NAALADL2: variants seen among roughly 807,000 people sequenced by gnomAD.
The protein encoded by NAALADL2 is N-acetylated alpha-linked acidic dipeptidase like 2, also known as inactive N-acetylated-alpha-linked acidic dipeptidase-like protein 2.
In NAALADL2, 76 loss-of-function variants were observed where a neutral mutation model predicts 87.2. The observed-to-expected ratio is 0.87, with a 90% CI of 0.72 to 1.05. The LOEUF (loss-of-function observed/expected upper bound fraction) is 1.05. NAALADL2 is among the 50% of genes least tolerant of loss of function. The pLI, the probability that NAALADL2 is intolerant of heterozygous loss-of-function variation, is 0.00. For synonymous variants in NAALADL2, 354 were observed against 331.0 expected (o/e 1.07, Z -0.75); for missense variants, 1,089 against 945.8 (o/e 1.15, Z -1.99).
At chr3:175,649,995 C>T (rs1326093168) in intron 11 of NAALADL2, among the ~76,000 whole-genome samples, 3 of 148,952 alleles carry the variant, frequency 2.0e-5, no homozygotes, top group African/African-American at 7.4e-5. Context: ...CCAACAATTC[C>T]ACTCCTAGGA....
intron 13 of NAALADL2, among the ~76,000 whole-genome samples, chr3:175,775,767 A>G (rs1187493172): frequency 6.6e-6 from 1 of 152,162 alleles, no homozygotes; most frequent in Non-Finnish European, 1.5e-5. Context: ...AGATACCACA[A>G]GAGTCAACGG....
chr3:175,442,407 G>A (rs1719943515), intron 5 of NAALADL2, among the ~76,000 whole-genome samples: 1 of 152,046 alleles, frequency 6.6e-6, no homozygotes, highest in African/African-American at 2.4e-5. Flanking sequence ...ATAGAATTAA[G>A]GATGTACAAT....
At chr3:174,465,996 CAGT>C (rs1251055411) in intron 1 of NAALADL2, among the ~76,000 whole-genome samples, 1 of 152,148 alleles carries the variant, frequency 6.6e-6, no homozygotes, top group Non-Finnish European at 1.5e-5. Flanking sequence ...CTCCTTCACA[CAGT>C]GGTGGTAGAG....
chr3:175,190,502 C>G (rs920488716), intron 2 of NAALADL2, among the ~76,000 whole-genome samples: 2 of 152,116 alleles, frequency 1.3e-5, no homozygotes, highest in Non-Finnish European at 2.9e-5. Context: ...TATATCAACT[C>G]ACACCTGTTA....
chr3:175,286,532 A>T (rs2110112353), intron 4 of NAALADL2, among the ~76,000 whole-genome samples: 1 of 152,300 alleles, frequency 6.6e-6, no homozygotes, highest in Middle Eastern at 3.4e-3. Context: ...AATGCTTTCC[A>T]ACAACGTTTA....
chr3:175,633,237 G>T (rs1406372067), intron 11 of NAALADL2, among the ~76,000 whole-genome samples: 1 of 152,058 alleles, frequency 6.6e-6, no homozygotes, highest in African/African-American at 2.4e-5. Context: ...CCAATCCTCA[G>T]ATCTTTGCTA....
chr3:175,111,035 G>T (rs760265296), intron 2 of NAALADL2, among the ~76,000 whole-genome samples: 14 of 151,598 alleles, frequency 9.2e-5, no homozygotes, highest in Non-Finnish European at 1.3e-4. Flanking sequence ...AAGAAGGGAA[G>T]AAAAAAGGCT....
chr3:175,671,798 A>G (rs1734041784), intron 11 of NAALADL2, among the ~76,000 whole-genome samples: 2 of 152,194 alleles, frequency 1.3e-5, no homozygotes, highest in South Asian at 4.1e-4. Flanking sequence ...ATTCTCATCC[A>G]TAATGGAAAT....
chr3:175,793,434 C>T (rs1207747270), intron 13 of NAALADL2, among the ~76,000 whole-genome samples: 9 of 151,728 alleles, frequency 5.9e-5, no homozygotes, highest in Admixed American at 3.3e-4. Flanking sequence ...CTCACCCTCC[C>T]GAGTAGCTGG....
chr3:175,493,839 T>C (rs911128166), intron 9 of NAALADL2, among the ~76,000 whole-genome samples: 5 of 152,168 alleles, frequency 3.3e-5, no homozygotes, highest in East Asian at 3.8e-4. Context: ...ATAATAGACA[T>C]ACACATACAC....
intron 1 of NAALADL2, among the ~76,000 whole-genome samples, chr3:174,945,459 G>A (rs747264909): frequency 1.3e-5 from 2 of 151,984 alleles, no homozygotes; most frequent in Non-Finnish European, 2.9e-5. Flanking sequence ...TGAATCCCTG[G>A]GGCAAAAATT....
At chr3:174,713,266 G>A (rs146602171) in intron 2 of NAALADL2, among the ~76,000 whole-genome samples, 2,091 of 152,218 alleles carry the variant, frequency 0.014, 57 homozygotes, top group African/African-American at 0.049. Context: ...ATAAACATAC[G>A]TGTGCATGTG....
At chr3:175,155,554 T>C (rs115118046) in intron 2 of NAALADL2, among the ~76,000 whole-genome samples, 322 of 152,254 alleles carry the variant, frequency 2.1e-3, no homozygotes, top group Middle Eastern at 0.01. Context: ...TTTAAGTGGA[T>C]AGTGAGGTTT....
At chr3:175,767,426 A>G (rs1273694206) in intron 13 of NAALADL2, 1 of 152,098 alleles carries the variant, frequency 6.6e-6, no homozygotes, top group East Asian at 1.9e-4. Context: ...ATTTCCTCCC[A>G]GTCTACCTTT....
chr3:175,549,364 C>T (rs143286730), intron 9 of NAALADL2, among the ~76,000 whole-genome samples: 60 of 152,080 alleles, frequency 3.9e-4, no homozygotes, highest in Admixed American at 1.1e-3. Flanking sequence ...CAGTTGTGCA[C>T]TCTCTGAATG....
chr3:175,246,999 C>T lies in NAALADL2; in HGVS notation c.820-9412C>T, dbSNP rs111850982. On this transcript the variant is annotated intron_variant, in intron 3 of 13. Coordinates refer to ENST00000454872, the MANE Select transcript of NAALADL2 (RefSeq NM_207015.3). ...AGTATGAACTTTGGGGTGTGGAATT[C>T]CCTACGTAGTAATTACATAAATAAT... Among the ~76,000 whole-genome samples, 482 of 152,208 alleles carry T rather than the reference C, an allele frequency of 3.2e-3. 2 individuals carry two copies. The highest frequency in any genetic ancestry group is 0.011 in the African/African-American group (453 of 41,532).
intron 1 of NAALADL2, among the ~76,000 whole-genome samples, chr3:174,955,999 TAA>T (rs1460011190): frequency 6.6e-6 from 1 of 152,080 alleles, no homozygotes; most frequent in African/African-American, 2.4e-5. Context: ...TAATTTCACT[TAA>T]GTCAATCAGT....
intron 4 of NAALADL2, among the ~76,000 whole-genome samples, chr3:175,303,374 A>G (rs1757321268): frequency 6.6e-6 from 1 of 152,160 alleles, no homozygotes; most frequent in African/African-American, 2.4e-5. Flanking sequence ...TATAAAAATC[A>G]TATGATTTTT....
chr3:174,696,023 T>G (rs1337947291), intron 2 of NAALADL2, among the ~76,000 whole-genome samples: 2 of 152,020 alleles, frequency 1.3e-5, no homozygotes, highest in Non-Finnish European at 2.9e-5. Context: ...CAGGCTAAAA[T>G]GCTCCTGAGA....
Sources: gnomAD v4.1 joint callset for allele counts (sites outside exome capture counted in the v4.1 genomes callset) on GRCh38, gnomAD v4.1.1 for gene constraint, MANE v1.5 for transcripts, NCBI Gene and HGNC (gene_info 2026-07-23, HGNC 2026-07-21) for gene names.